Variants in SLC36A1 observed in about 807,000 individuals in gnomAD.
The protein encoded by SLC36A1 is proton-coupled amino acid transporter 1.
In SLC36A1, 30 loss-of-function variants were observed where a neutral mutation model predicts 47.5. The observed-to-expected ratio is 0.63, with a 90% confidence interval of 0.47 to 0.86. The LOEUF is 0.86. Ranked by LOEUF, SLC36A1 falls within the 40% of genes least tolerant of loss-of-function variation. SLC36A1 has a pLI of 0.00. For missense variants in SLC36A1, 517 were observed against 606.0 expected (o/e 0.85, Z 1.54); for synonymous variants, 255 against 249.7 (o/e 1.02, Z -0.20).
chr5:151,452,094 G>A (rs114584579), intron 1 of SLC36A1, among the ~76,000 whole-genome samples: 66 of 152,324 alleles, frequency 4.3e-4, no homozygotes, highest in Non-Finnish European at 7.3e-4. Context: ...GTAAAAGTGT[G>A]CGTGTTTGCC....
chr5:151,503,889 G>T, the SLC36A1 span, among the ~76,000 whole-genome samples: 2 of 152,052 alleles, frequency 1.3e-5, no homozygotes, highest in African/African-American at 4.8e-5. Flanking sequence ...GAGGCAGAGG[G>T]TTTTTTCCAA....
At chr5:151,436,519 A>G (rs72798307), upstream of SLC36A1, among the ~76,000 whole-genome samples, 19,945 of 151,762 alleles carry the variant, frequency 0.13, 1,801 homozygotes, top group East Asian at 0.38. Context: ...CATATGGCAA[A>G]TTGTGACCAA....
chr5:151,402,062 T>G, the SLC36A1 span, among the ~76,000 whole-genome samples: 1 of 152,344 alleles, frequency 6.6e-6, no homozygotes. Context: ...ACTAGTCTTG[T>G]TCCAGTTCTT....
the SLC36A1 span, chr5:151,531,642 G>C: frequency 6.2e-7 from 1 of 1,613,716 alleles, no homozygotes; most frequent in Non-Finnish European, 8.5e-7. The surrounding 1 kb of genome is among the most constrained non-coding windows in gnomAD (Gnocchi z 5.7). Flanking sequence ...CCACGCGGTA[G>C]CCGGTCTTCT....
At chr5:151,473,529 A>G in intron 7 of SLC36A1, 144 bp from the exon 8 acceptor site, 1 of 617,814 alleles carries the variant, frequency 1.6e-6, no homozygotes, top group East Asian at 2.7e-5. Context: ...ATGTCCCTAA[A>G]TCATCTGTCA....
At chr5:151,422,508 G>A in the SLC36A1 span, among the ~76,000 whole-genome samples, 1 of 152,140 alleles carries the variant, frequency 6.6e-6, no homozygotes, top group Non-Finnish European at 1.5e-5. Flanking sequence ...AAACGGCAGA[G>A]TATTCAGTCT....
chr5:151,458,216 A>G (rs1044705521), intron 1 of SLC36A1, among the ~76,000 whole-genome samples: 1 of 145,224 alleles, frequency 6.9e-6, no homozygotes, highest in Non-Finnish European at 1.5e-5. Context: ...ACGATGAGAA[A>G]TACCCAGATT....
At position 151,488,527 on chromosome 5, in the gene SLC36A1, C is replaced by G. The variant is rs1028919702; in HGVS notation, c.*273C>G. The G allele has an allele frequency of 6.4e-6, 3 of 469,222 alleles. No individual in the cohort carries two copies. Among genetic ancestry groups the G allele is most frequent in the African/African-American group, 3.9e-5 (2 of 51,658 alleles). 29.1% of individuals were successfully genotyped at this position (469,222 alleles called of 1,614,324 possible). A position where few individuals can be genotyped will look rare whatever the true frequency, so the allele number is the denominator to read the frequency against. ...AACTTTCCAGCTCCCCCTCATCATG[C>G]CTCCTCCTTCCTACCTGCCTCCCCT... is the stretch of plus-strand genomic sequence containing the variant. On this transcript the variant is annotated 3_prime_UTR_variant, in exon 11 of 11. Coordinates refer to ENST00000243389, the MANE Select transcript of SLC36A1 (RefSeq NM_078483.4).
At chr5:151,514,279 T>G in the SLC36A1 span, among the ~76,000 whole-genome samples, 1 of 152,302 alleles carries the variant, frequency 6.6e-6, no homozygotes, top group East Asian at 1.9e-4. Flanking sequence ...ATGAAATCAT[T>G]TCTTTTTATC....
the SLC36A1 span, among the ~76,000 whole-genome samples, chr5:151,532,431 A>G: frequency 5.9e-5 from 9 of 152,114 alleles, no homozygotes; most frequent in Non-Finnish European, 1.0e-4. Context: ...AAATGAGTGC[A>G]TACAGAAACT....
chr5:151,366,751 C>T, the SLC36A1 span: 1 of 153,948 alleles, frequency 6.5e-6, no homozygotes, highest in Non-Finnish European at 1.4e-5. Flanking sequence ...TTGGGGGAAC[C>T]TGCCCCCAGT....
the SLC36A1 span, chr5:151,505,828 G>A: frequency 1.3e-5 from 21 of 1,613,204 alleles, no homozygotes; most frequent in Admixed American, 2.8e-4. Flanking sequence ...GGGGCAACCA[G>A]GCGCTCCCGG....
the SLC36A1 span, among the ~76,000 whole-genome samples, chr5:151,536,651 A>C: frequency 6.6e-6 from 1 of 152,142 alleles, no homozygotes; most frequent in Non-Finnish European, 1.5e-5. Context: ...ACTCTGCTCT[A>C]TCTCTTGGCT....
intron 1 of SLC36A1, chr5:151,450,893 C>G (rs1753560633): frequency 6.6e-6 from 1 of 152,266 alleles, no homozygotes; most frequent in Non-Finnish European, 1.5e-5. Context: ...CATAGAGGAA[C>G]TCACATGGAA....
chr5:151,536,997 C>A, the SLC36A1 span, among the ~76,000 whole-genome samples: 1 of 152,158 alleles, frequency 6.6e-6, no homozygotes, highest in Non-Finnish European at 1.5e-5. Context: ...AGTGCCCTTT[C>A]CCCCACTCTC....
the SLC36A1 span, among the ~76,000 whole-genome samples, chr5:151,407,713 G>A: frequency 6.6e-6 from 1 of 152,220 alleles, no homozygotes; most frequent in African/African-American, 2.4e-5. Context: ...TGGGTCTGGG[G>A]ATGGAAGTTG....
At chr5:151,553,405 C>T in the SLC36A1 span, 2 of 1,612,156 alleles carry the variant, frequency 1.2e-6, no homozygotes, top group South Asian at 2.2e-5. Flanking sequence ...GAGGCCAACA[C>T]CAAAACTGAG....
chr5:151,416,126 C>G, the SLC36A1 span, among the ~76,000 whole-genome samples: 2 of 152,142 alleles, frequency 1.3e-5, no homozygotes, highest in South Asian at 4.1e-4. Flanking sequence ...AAAATAACAA[C>G]AAAAAAGAAA....
the SLC36A1 span, among the ~76,000 whole-genome samples, chr5:151,430,331 A>ATT: frequency 8.5e-6 from 1 of 117,520 alleles, no homozygotes; most frequent in Non-Finnish European, 1.7e-5. Context: ...CACCTGGCTA[A>ATT]TTTTTTTTTT....
Sources: gnomAD v4.1 joint callset for allele counts (sites outside exome capture counted in the v4.1 genomes callset) on GRCh38, gnomAD v4.1.1 for gene constraint, Gnocchi (gnomAD v3.1) non-coding constraint, MANE v1.5 for transcripts, NCBI Gene and HGNC (gene_info 2026-07-23, HGNC 2026-07-21) for gene names.